Variants in UNC5C observed in about 807,000 individuals in gnomAD.
UNC5C encodes netrin receptor UNC5C.
A neutral mutation model predicts 99.8 loss-of-function variants in UNC5C; 47 were observed. The observed-to-expected ratio is 0.47, with a 90% CI of 0.37 to 0.60. The LOEUF (loss-of-function observed/expected upper bound fraction) is 0.60. Ranked by LOEUF, UNC5C falls within the 20% of genes least tolerant of loss-of-function variation. The probability of loss-of-function intolerance (pLI) is 0.00; values close to 1 mark genes in which losing one functional copy is unlikely to be tolerated. For missense variants in UNC5C, 1,062 were observed against 1,165.9 expected, an observed-to-expected ratio of 0.91 and a Z score of 1.30; for synonymous variants, 487 against 452.2, an observed-to-expected ratio of 1.08 and a Z score of -0.98.
At chr4:95,340,938 A>T (rs1012994145) in intron 1 of UNC5C, among the ~76,000 whole-genome samples, 4 of 152,124 alleles carry the variant, frequency 2.6e-5, no homozygotes, top group Admixed American at 2.6e-4. Flanking sequence ...TAATTTAATA[A>T]ATGCAATGTG....
intron 12 of UNC5C, among the ~76,000 whole-genome samples, chr4:95,191,989 T>G (rs1285401075): frequency 1.5e-5 from 1 of 65,978 alleles, no homozygotes; most frequent in Non-Finnish European, 2.8e-5. Context: ...CCCTCCCCCC[T>G]GCTAATCCTC....
intron 1 of UNC5C, among the ~76,000 whole-genome samples, chr4:95,465,007 G>T (rs967730923): frequency 6.6e-6 from 1 of 152,180 alleles, no homozygotes; most frequent in African/African-American, 2.4e-5. Flanking sequence ...GCTTTTCACA[G>T]AGAGATGATC....
At chr4:95,462,662 T>G (rs1037503530) in intron 1 of UNC5C, among the ~76,000 whole-genome samples, 2 of 152,134 alleles carry the variant, frequency 1.3e-5, no homozygotes, top group African/African-American at 4.8e-5. Flanking sequence ...AAAAATAAAA[T>G]ATAGAAACTA....
intron 1 of UNC5C, among the ~76,000 whole-genome samples, chr4:95,500,080 T>C (rs1204499027): frequency 6.6e-6 from 1 of 152,090 alleles, no homozygotes; most frequent in African/African-American, 2.4e-5. Flanking sequence ...CATGGAAACT[T>C]AATATAAATG....
At chr4:95,459,617 G>A (rs1400716885) in intron 1 of UNC5C, among the ~76,000 whole-genome samples, 1 of 152,122 alleles carries the variant, frequency 6.6e-6, no homozygotes, top group African/African-American at 2.4e-5. Flanking sequence ...AAACTTTTTT[G>A]TAAGTTATAA....
chr4:95,168,257 G>C lies in UNC5C; in HGVS notation c.*977C>G, dbSNP rs1250516460. Reference sequence around the variant, plus strand: ...ATCACCTTTCTGGGGTGGAATAAGGGAAAGGTAAAAGGTCAAGGAAGTGAT... The same window carrying C: ...ATCACCTTTCTGGGGTGGAATAAGGCAAAGGTAAAAGGTCAAGGAAGTGAT... On this transcript the variant is annotated 3_prime_UTR_variant, in exon 16 of 16. Coordinates refer to ENST00000453304, the MANE Select transcript of UNC5C (RefSeq NM_003728.4). 2.0e-5 allele frequency: 3 copies of C among 152,170 alleles called. No homozygotes were observed. Among genetic ancestry groups the C allele is most frequent in the Non-Finnish European group, 4.4e-5 (3 of 68,046 alleles). The allele number at this position is 152,170 out of a possible 1,614,324, so 9.4% of individuals were successfully genotyped here.
At chr4:95,408,252 T>C (rs1418213943) in intron 1 of UNC5C, among the ~76,000 whole-genome samples, 1 of 152,182 alleles carries the variant, frequency 6.6e-6, no homozygotes, top group Non-Finnish European at 1.5e-5. Context: ...TCTAATCTAC[T>C]ATGTGCTTTA....
At chr4:95,453,308 GATA>G (rs1345646835) in intron 1 of UNC5C, among the ~76,000 whole-genome samples, 2 of 152,024 alleles carry the variant, frequency 1.3e-5, no homozygotes, top group Non-Finnish European at 2.9e-5. Context: ...TTACCAATTA[GATA>G]ATAATACATG....
intron 1 of UNC5C, among the ~76,000 whole-genome samples, chr4:95,403,327 T>C (rs1046801802): frequency 1.1e-4 from 17 of 152,304 alleles, no homozygotes; most frequent in African/African-American, 3.9e-4. Context: ...ATCTCGGGCA[T>C]GTTCTTGAAC....
intron 14 of UNC5C, among the ~76,000 whole-genome samples, chr4:95,172,511 G>T (rs7693622): frequency 0.043 from 6,513 of 152,108 alleles, 472 homozygotes; most frequent in African/African-American, 0.15. Flanking sequence ...TTTCCCCATT[G>T]CTTGTTTTTC....
intron 1 of UNC5C, among the ~76,000 whole-genome samples, chr4:95,446,067 A>G (rs921758554): frequency 6.6e-6 from 1 of 152,168 alleles, no homozygotes; most frequent in Non-Finnish European, 1.5e-5. Flanking sequence ...AAGGAAGGAC[A>G]CACTTTGTCT....
intron 1 of UNC5C, among the ~76,000 whole-genome samples, chr4:95,521,410 G>T (rs1184803450): frequency 4.6e-5 from 7 of 151,628 alleles, no homozygotes; most frequent in Admixed American, 1.3e-4. Context: ...TAGAGACGGG[G>T]TTTCACCATG....
At chr4:95,503,441 T>C (rs1339466028) in intron 1 of UNC5C, among the ~76,000 whole-genome samples, 1 of 152,212 alleles carries the variant, frequency 6.6e-6, no homozygotes, top group Non-Finnish European at 1.5e-5. Context: ...TTTGTAATTA[T>C]TGGACAATAC....
intron 1 of UNC5C, among the ~76,000 whole-genome samples, chr4:95,495,615 G>A (rs1721609714): frequency 6.6e-6 from 1 of 151,650 alleles, no homozygotes; most frequent in Non-Finnish European, 1.5e-5. Flanking sequence ...TAGGACATGG[G>A]TTAAAATCCA....
intron 7 of UNC5C, among the ~76,000 whole-genome samples, chr4:95,227,254 A>G (rs1308248952): frequency 6.6e-6 from 1 of 151,844 alleles, no homozygotes; most frequent in Non-Finnish European, 1.5e-5. Flanking sequence ...GGATCAAGCA[A>G]TCCTCCCATC....
intron 1 of UNC5C, among the ~76,000 whole-genome samples, chr4:95,421,347 T>G (rs938901266): frequency 1.5e-4 from 23 of 152,264 alleles, no homozygotes; most frequent in African/African-American, 5.5e-4. Flanking sequence ...AGCCCACTGT[T>G]CTCTGGCCTA....
chr4:95,327,527 T>C (rs1742935259), intron 2 of UNC5C, among the ~76,000 whole-genome samples: 1 of 152,134 alleles, frequency 6.6e-6, no homozygotes, highest in Non-Finnish European at 1.5e-5. Context: ...ACATGCATCC[T>C]CTTTCTTTAT....
intron 3 of UNC5C, among the ~76,000 whole-genome samples, chr4:95,289,629 C>A (rs1293186736): frequency 6.6e-6 from 1 of 152,128 alleles, no homozygotes; most frequent in Non-Finnish European, 1.5e-5. Flanking sequence ...TTCATGGTCA[C>A]TCAAAGTAAT....
At chr4:95,324,560 G>T (rs1035648232) in intron 2 of UNC5C, among the ~76,000 whole-genome samples, 4 of 152,230 alleles carry the variant, frequency 2.6e-5, no homozygotes, top group African/African-American at 4.8e-5. Context: ...TGCCAAAAAG[G>T]TTGGGGACTG....
Sources: gnomAD v4.1 joint callset for allele counts (sites outside exome capture counted in the v4.1 genomes callset) on GRCh38, gnomAD v4.1.1 for gene constraint, MANE v1.5 for transcripts, NCBI Gene and HGNC (gene_info 2026-07-23, HGNC 2026-07-21) for gene names.